Variants in BLTP1 observed in about 807,000 individuals in gnomAD.
BLTP1 encodes the protein fragile site-associated protein.
At chr4:122,256,227 A>G in the BLTP1 span, 2 of 949,696 alleles carry the variant, frequency 2.1e-6, no homozygotes, top group South Asian at 4.9e-5. Flanking sequence ...AAGAATCTCT[A>G]GTAAGTGTTG....
chr4:122,163,211 G>A, the BLTP1 span, among the ~76,000 whole-genome samples: 2 of 152,192 alleles, frequency 1.3e-5, no homozygotes, highest in African/African-American at 2.4e-5. Context: ...ACTGGTAGAA[G>A]TGGGGAAGGA....
chr4:122,319,687 C>T, the BLTP1 span, among the ~76,000 whole-genome samples: 1 of 151,180 alleles, frequency 6.6e-6, no homozygotes, highest in African/African-American at 2.4e-5. Context: ...ATTACAGGCA[C>T]CCACCACCAT....
chr4:122,328,701 T>G, the BLTP1 span: 7 of 983,236 alleles, frequency 7.1e-6, no homozygotes, highest in Non-Finnish European at 8.5e-6. Context: ...CAAGGAGATA[T>G]GTAATAGTGA....
chr4:122,180,850 TAACA>T, the BLTP1 span, among the ~76,000 whole-genome samples: 2 of 152,206 alleles, frequency 1.3e-5, no homozygotes, highest in Non-Finnish European at 2.9e-5. Flanking sequence ...GTAATTTATT[TAACA>T]AACAAGGTTT....
At chr4:122,347,284 G>A in the BLTP1 span, 3 of 963,352 alleles carry the variant, frequency 3.1e-6, no homozygotes, top group African/African-American at 1.8e-5. Flanking sequence ...CTAAGTCTGA[G>A]TGTATTCCCT....
chr4:122,174,525 G>A, the BLTP1 span: 1 of 1,594,000 alleles, frequency 6.3e-7, no homozygotes, highest in Non-Finnish European at 8.5e-7. Context: ...GGGCCCTACT[G>A]TCTGTTAAAA....
the BLTP1 span, chr4:122,292,481 G>A: frequency 1.2e-6 from 1 of 848,482 alleles, no homozygotes; most frequent in Non-Finnish European, 1.4e-6. Context: ...GTTAAAACAT[G>A]TATTTGTTTA....
the BLTP1 span, among the ~76,000 whole-genome samples, chr4:122,233,538 G>A: frequency 2.0e-5 from 3 of 152,174 alleles, no homozygotes; most frequent in Non-Finnish European, 4.4e-5. Flanking sequence ...TTTTGATGGT[G>A]TTTTAAGATA....
the BLTP1 span, among the ~76,000 whole-genome samples, chr4:122,340,286 G>C: frequency 6.6e-6 from 1 of 151,992 alleles, no homozygotes; most frequent in East Asian, 1.9e-4. Context: ...TGTCAATAAT[G>C]GCAAGGCTGA....
At chr4:122,340,516 C>T in the BLTP1 span, among the ~76,000 whole-genome samples, 1 of 152,068 alleles carries the variant, frequency 6.6e-6, no homozygotes, top group Non-Finnish European at 1.5e-5. Context: ...TGTGAGAAAG[C>T]ATCCCAAAAG....
chr4:122,249,733 T>C, the BLTP1 span: 2 of 1,597,994 alleles, frequency 1.3e-6, no homozygotes, highest in East Asian at 2.2e-5. Flanking sequence ...ATATGTCCTA[T>C]ATTGCAGAAA....
the BLTP1 span, chr4:122,171,799 G>GA: frequency 1.0e-3 from 979 of 983,798 alleles, 4 homozygotes; most frequent in African/African-American, 0.015. Context: ...CTTTCTTTAA[G>GA]AAAAAAACAA....
chr4:122,293,297 G>C, the BLTP1 span: 1 of 435,418 alleles, frequency 2.3e-6, no homozygotes, highest in Non-Finnish European at 3.1e-6. Flanking sequence ...AAAATGGTGA[G>C]TGAATTCAGC....
the BLTP1 span, among the ~76,000 whole-genome samples, chr4:122,327,242 C>A: frequency 1.1e-5 from 1 of 95,066 alleles, no homozygotes; most frequent in African/African-American, 4.7e-5. Context: ...GTTCTAGGAC[C>A]CCCATGCATA....
the BLTP1 span, chr4:122,328,187 T>C: frequency 6.2e-7 from 1 of 1,611,382 alleles, no homozygotes; most frequent in Non-Finnish European, 8.5e-7. Flanking sequence ...AAGGATCATG[T>C]TCTGTGTTCA....
At chr4:122,171,133 A>G in the BLTP1 span, among the ~76,000 whole-genome samples, 9 of 152,178 alleles carry the variant, frequency 5.9e-5, no homozygotes, top group Admixed American at 3.3e-4. Context: ...AGTAAAATAG[A>G]ATTATATGCC....
the BLTP1 span, among the ~76,000 whole-genome samples, chr4:122,284,898 C>T: frequency 2.0e-5 from 3 of 152,172 alleles, no homozygotes; most frequent in Non-Finnish European, 4.4e-5. Context: ...ACATCTTCCC[C>T]AAATAAAGGG....
chr4:122,161,113 G>A, the BLTP1 span: 1 of 983,002 alleles, frequency 1.0e-6, no homozygotes, highest in African/African-American at 1.7e-5. Context: ...GAGTTCAAAG[G>A]AGAGCTCTAA....
the BLTP1 span, among the ~76,000 whole-genome samples, chr4:122,308,897 C>T: frequency 6.6e-6 from 1 of 152,060 alleles, no homozygotes; most frequent in African/African-American, 2.4e-5. Context: ...GGATGGGTGG[C>T]ATTGGTATGT....
Sources: gnomAD v4.1 joint callset for allele counts (sites outside exome capture counted in the v4.1 genomes callset) on GRCh38, gnomAD v4.1.1 for gene constraint, MANE v1.5 for transcripts, NCBI Gene and HGNC (gene_info 2026-07-23, HGNC 2026-07-21) for gene names.